The following CAMK1 variants were observed in gnomAD, a reference collection of about 807,000 sequenced individuals.
CAMK1 encodes the protein calcium/calmodulin-dependent protein kinase type 1.
Under a neutral mutation model 49.1 loss-of-function variants are expected in CAMK1, and 39 were observed. The ratio of observed to expected loss-of-function variants is 0.79; its 90% CI spans 0.62 to 1.04. The LOEUF (loss-of-function observed/expected upper bound fraction) is 1.04, where lower values mean the gene tolerates loss of function less well. Among genes scored for constraint, CAMK1 ranks in the 50% least tolerant of loss-of-function variants. The pLI is 0.00. For synonymous variants in CAMK1, 192 were observed against 185.2 expected (o/e 1.04, Z -0.30); for missense variants, 457 against 472.2 (o/e 0.97, Z 0.30).
At position 9,760,737 on chromosome 3, in the gene CAMK1, T is replaced by C; in HGVS notation, c.664A>G (p.Asn222Asp). ...ATCTGTTCAAAGAGTTTGGCATCAT[T>C]CTCGTCATAGAAGGGAGGGTAACCG... is the stretch of plus-strand genomic sequence containing the variant. ...LCGYPPFYDENDAKLFEQILK... is the reference protein window; with the variant it reads ...LCGYPPFYDEDDAKLFEQILK... Residue 222 changes from asparagine (N) to aspartate (D), a missense_variant, in exon 8 of 12, where the codon AAT becomes GAT. Asn to Asp is a conservative substitution (Grantham distance 23). Coordinates refer to ENST00000256460, the MANE Select transcript of CAMK1 (RefSeq NM_003656.5). The C allele has an allele frequency of 6.2e-7, 1 of 1,613,980 alleles. No individual in the cohort carries two copies. The highest frequency in any genetic ancestry group is 8.5e-7 in the Non-Finnish European group (1 of 1,179,960).
intron 10 of CAMK1, chr3:9,759,200 T>C: frequency 2.5e-6 from 4 of 1,613,910 alleles, no homozygotes; most frequent in Non-Finnish European, 3.4e-6. Flanking sequence ...TGTCAGGTCA[T>C]CACCACTTTT....
chr3:9,762,825 G>C, intron 5 of CAMK1, 89 bp downstream of exon 5: 3 of 1,303,358 alleles, frequency 2.3e-6, no homozygotes, highest in Non-Finnish European at 3.3e-6. Flanking sequence ...TCAGTGAGGG[G>C]GTGAAAGTTG....
At chr3:9,769,150 C>T (rs544020424) in intron 1 of CAMK1, among the ~76,000 whole-genome samples, 1 of 152,064 alleles carries the variant, frequency 6.6e-6, no homozygotes, top group East Asian at 1.9e-4. Context: ...GCCCTGCACC[C>T]GAACACCTGC....
At chr3:9,760,922 C>T in intron 7 of CAMK1, 154 bp from the exon 8 acceptor site, 2 of 1,099,624 alleles carry the variant, frequency 1.8e-6, no homozygotes. Context: ...CCTGTTCTAG[C>T]TACATTATCC....
chr3:9,759,682 G>A lies in CAMK1; in HGVS notation c.814C>T (p.Gln272Ter), dbSNP rs560292298. 56 of 1,614,206 alleles carry A rather than the reference G, an allele frequency of 3.5e-5. No homozygotes were observed. Among genetic ancestry groups the A allele is most frequent in the African/African-American group, 5.3e-5 (4 of 75,048 alleles). The change falls in exon 9 of 12, where the codon CAG (glutamine) becomes TAG (stop). Residue 272 changes from glutamine (Q) to a stop codon, truncating the protein, a stop_gained. Transcript: ENST00000256460. LOFTEE classifies it high-confidence loss of function. ...EKRFTCEQAL[Q>*]HPWIAGDTAL... ...TGTGTGAATTCTCACCATGGGTGCT[G>A]CAAGGCCTGCTCACAGGTGAATCTT...
At chr3:9,767,915 A>T (rs2078199736) in intron 1 of CAMK1, 134 bp from the exon 2 acceptor site, 2 of 1,295,174 alleles carry the variant, frequency 1.5e-6, no homozygotes, top group Admixed American at 6.0e-5. Context: ...TCATTCAACA[A>T]ACATTCATTT....
chr3:9,767,695 T>C lies in CAMK1; in HGVS notation c.55A>G (p.Ile19Val). The stretch of plus-strand genomic sequence containing the variant: ...CCCAGAACATCTCGGAAGTCGTAGA[T>C]GTCTCTAATGTCCTCCGCCTGCTTC... ...RWKQAEDIRD[I>V]YDFRDVLGTG... Residue 19 changes from isoleucine to valine, a missense_variant, in exon 2 of 12, where the codon ATC (isoleucine) becomes GTC (valine). By Grantham distance (29) the Ile-to-Val change is conservative. Transcript: ENST00000256460. 4 of 1,614,148 alleles carry C rather than the reference T, an allele frequency of 2.5e-6. No homozygotes were observed. Among genetic ancestry groups the C allele is most frequent in the Non-Finnish European group, 3.4e-6 (4 of 1,180,004 alleles).
intron 10 of CAMK1, chr3:9,758,785 A>T (rs1050985729): frequency 2.4e-5 from 6 of 249,312 alleles, no homozygotes; most frequent in Non-Finnish European, 4.8e-5. Flanking sequence ...ACGCACCACC[A>T]TGTGTGGCTA....
intron 1 of CAMK1, among the ~76,000 whole-genome samples, chr3:9,768,258 C>G (rs1333537642): frequency 6.6e-6 from 1 of 152,224 alleles, no homozygotes; most frequent in East Asian, 1.9e-4. Flanking sequence ...TTTCCAGCAG[C>G]CTGGGCTTCC....
rs3219016 is a variant in CAMK1 at position 9,758,065 on chromosome 3, A to T, written c.913-219T>A. ...GTTAGATGTATGTGTATCTATATAT[A>T]TAAATAGAAACATAACTATAATTCA... On this transcript the variant is annotated intron_variant, in intron 10 of 11. Transcript: ENST00000256460. 43 of 591,600 alleles carry T rather than the reference A, an allele frequency of 7.3e-5. No individual in the cohort carries two copies. In the Admixed American group the frequency reaches 1.3e-3, roughly 18 times the overall value. 36.6% of individuals were successfully genotyped at this position (591,600 alleles called of 1,614,324 possible).
Position 9,763,026 on chromosome 3 carries a change from C to G in CAMK1, c.317G>C (p.Arg106Pro). 1 of 1,614,054 alleles carries G rather than the reference C, an allele frequency of 6.2e-7. No individual in the cohort carries two copies. Residue 106 changes from arginine to proline, a missense_variant, in exon 5 of 12, where the codon CGT (arginine) becomes CCT (proline). Physicochemically the swap from Arg to Pro is moderately radical, Grantham distance 103. Transcript: ENST00000256460. The part of the protein sequence containing the change: ...QLVSGGELFD[R>P]IVEKGFYTER... Reference sequence around the variant, plus strand: ...CGTGTAGAAGCCTTTTTCCACAATACGGTCAAAGAGCTCCCCACCCGACAC... The same window carrying G: ...CGTGTAGAAGCCTTTTTCCACAATAGGGTCAAAGAGCTCCCCACCCGACAC...
rs769485714 is a variant in CAMK1, at chr3:9,767,705, G to A, written c.45C>T (p.Asp15=). 3.1e-6 allele frequency: 5 copies of A among 1,613,998 alleles called. No homozygotes were observed. Among genetic ancestry groups the A allele is most frequent in the Admixed American group, 1.7e-5 (1 of 59,996 alleles). Residue 15 remains aspartate (D), a synonymous_variant, in exon 2 of 12, where the codon GAC becomes GAT. Coordinates refer to ENST00000256460, the MANE Select transcript of CAMK1 (RefSeq NM_003656.5). ...CTCGGAAGTCGTAGATGTCTCTAATGTCCTCCGCCTGCTTCCACCTGGGGC... is the reference window on the plus strand; with the variant it reads ...CTCGGAAGTCGTAGATGTCTCTAATATCCTCCGCCTGCTTCCACCTGGGGC... ...VEGPRWKQAE[D]IRDIYDFRDV...
At chr3:9,760,912 C>T in intron 7 of CAMK1, 144 bp from the exon 8 acceptor site, 1 of 1,239,402 alleles carries the variant, frequency 8.1e-7, no homozygotes, top group Admixed American at 2.3e-5. Context: ...CCTGCTCACT[C>T]CTGTTCTAGC....
At position 9,760,779 on chromosome 3, in the gene CAMK1, A is replaced by G; in HGVS notation, c.633-11T>C. On this transcript the variant is annotated splice_polypyrimidine_tract_variant and intron_variant, in intron 7 of 11. Coordinates refer to ENST00000256460, the MANE Select transcript of CAMK1 (RefSeq NM_003656.5). ...GGGTAACCGCAGAGCCTGGGCAGGG[A>G]GAAACTCATCCTCATTTCCACTTTC... 1.2e-6 allele frequency: 2 copies of G among 1,613,868 alleles called. No individual in the cohort carries two copies. The highest frequency in any genetic ancestry group is 2.2e-5 in the South Asian group (2 of 91,072).
chr3:9,759,119 C>T, intron 10 of CAMK1: 7 of 1,314,170 alleles, frequency 5.3e-6, no homozygotes, highest in Non-Finnish European at 7.7e-6. Flanking sequence ...AGGCTTAGCA[C>T]TTGCACTTCC....
rs1369335655 is a variant in CAMK1 at position 9,763,002 on chromosome 3, G to A, written c.341C>T (p.Thr114Met). ...FDRIVEKGFY[T>M]ERDASRLIFQ... ...GATGAGGCGGCTGGCGTCCCGCTCC[G>A]TGTAGAAGCCTTTTTCCACAATACG... The change falls in exon 5 of 12, where the codon ACG becomes ATG. Residue 114 changes from threonine to methionine, a missense_variant. Thr to Met is a moderately conservative substitution (Grantham distance 81, BLOSUM62 -1). Transcript: ENST00000256460. 6.2e-7 allele frequency: 1 copy of A among 1,614,042 alleles called. No individual in the cohort carries two copies. Among genetic ancestry groups the A allele is most frequent in the Non-Finnish European group, 8.5e-7 (1 of 1,180,044 alleles).
At chr3:9,761,369 G>T in intron 7 of CAMK1, 92 bp downstream of exon 7, 1 of 1,303,132 alleles carries the variant, frequency 7.7e-7, no homozygotes, top group Non-Finnish European at 1.1e-6. Flanking sequence ...GGAAGGAAGG[G>T]AGGGCAGAGG....
At chr3:9,761,007 A>C (rs1575230793) in intron 7 of CAMK1, 1 of 496,182 alleles carries the variant, frequency 2.0e-6, no homozygotes, top group Admixed American at 3.6e-5. Context: ...TGCCTATGCC[A>C]CTCTTTCCCC....
chr3:9,759,551 A>G lies in CAMK1; in HGVS notation c.849T>C (p.Asp283=). 3 of 1,614,098 alleles carry G rather than the reference A, an allele frequency of 1.9e-6. No homozygotes were observed. The highest frequency in any genetic ancestry group is 2.5e-6 in the Non-Finnish European group (3 of 1,180,016). The change falls in exon 10 of 12, where the codon GAT becomes GAC. Residue 283 remains aspartate, a synonymous_variant. Coordinates refer to ENST00000256460, the MANE Select transcript of CAMK1 (RefSeq NM_003656.5). The stretch of plus-strand genomic sequence containing the variant: ...CACTCACCGACTGGTGGATATTCTT[A>G]TCTAGAGCTGTATCTCCTGCAATCC... ...HPWIAGDTAL[D]KNIHQSVSEQ...
Sources: gnomAD v4.1 joint callset for allele counts (sites outside exome capture counted in the v4.1 genomes callset) on GRCh38, gnomAD v4.1.1 for gene constraint, MANE v1.5 for transcripts, NCBI Gene and HGNC (gene_info 2026-07-23, HGNC 2026-07-21) for gene names.